SOX6: variants seen among roughly 807,000 people sequenced by gnomAD.
The protein encoded by SOX6 is transcription factor SOX-6.
Under a neutral mutation model 97.8 loss-of-function variants are expected in SOX6, and 11 were observed. That is an observed-to-expected ratio of 0.11 (90% confidence interval 0.07 to 0.19). SOX6 has a LOEUF of 0.19. Among genes scored for constraint, SOX6 ranks in the 10% least tolerant of loss-of-function variants. The probability of loss-of-function intolerance (pLI) is 1.00; values close to 1 mark genes in which losing one functional copy is unlikely to be tolerated. For missense variants in SOX6, 810 were observed against 1,039.5 expected (o/e 0.78, Z 3.04); for synonymous variants, 360 against 371.4 (o/e 0.97, Z 0.35).
rs768901099 is a variant in SOX6, at chr11:16,589,364, T to C, written n.609+22717A>G. Among the ~76,000 whole-genome samples the C allele has an allele frequency of 2.6e-5, 4 of 152,344 alleles. No individual in the cohort carries two copies. In the South Asian group the frequency reaches 6.2e-4, roughly 24 times the overall value. ...AATACAGATTGACAGATTGAGTCTA[T>C]ATGTCTTAATGTGCAACATCCAATA... On this transcript the variant is annotated intron_variant and non_coding_transcript_variant, in intron 4 of 5. Transcript: ENST00000524520.
At chr11:16,489,029 G>C (rs1291810865) in intron 4 of SOX6, among the ~76,000 whole-genome samples, 1 of 151,980 alleles carries the variant, frequency 6.6e-6, no homozygotes, top group East Asian at 1.9e-4. Context: ...AAAAAGGGGG[G>C]ATAAAAATTA....
intron 4 of SOX6, among the ~76,000 whole-genome samples, chr11:16,500,539 C>G (rs1486250235): frequency 1.3e-5 from 2 of 152,180 alleles, no homozygotes; most frequent in Non-Finnish European, 2.9e-5. Context: ...TTGCAGATGA[C>G]ATGATTGTAT....
intron 9 of SOX6, among the ~76,000 whole-genome samples, chr11:16,095,089 T>A (rs1848765368): frequency 6.6e-6 from 1 of 151,912 alleles, no homozygotes; most frequent in Admixed American, 6.6e-5. Context: ...ATTTTCATTT[T>A]TGGGTTGAGT....
intron 9 of SOX6, among the ~76,000 whole-genome samples, chr11:16,063,096 A>G (rs79986615): frequency 0.024 from 3,648 of 151,740 alleles, 145 homozygotes; most frequent in African/African-American, 0.083. Flanking sequence ...AATTTGACCA[A>G]TCTCTTAAAT....
At chr11:16,211,065 T>C (rs1168411177) in intron 4 of SOX6, among the ~76,000 whole-genome samples, 9 of 152,076 alleles carry the variant, frequency 5.9e-5, no homozygotes, top group Admixed American at 5.9e-4. Flanking sequence ...CCTAATGTGG[T>C]GCCTCTTTGG....
chr11:16,107,367 A>G (rs1849113338), intron 7 of SOX6, among the ~76,000 whole-genome samples: 1 of 148,702 alleles, frequency 6.7e-6, no homozygotes, highest in African/African-American at 2.5e-5. Flanking sequence ...GAACAGATAA[A>G]CAAAATGTGA....
intron 4 of SOX6, among the ~76,000 whole-genome samples, chr11:16,188,243 A>AG (rs1470317043): frequency 1.3e-5 from 2 of 151,026 alleles, no homozygotes; most frequent in African/African-American, 2.5e-5. Flanking sequence ...AAAAAAAAAA[A>AG]AAAGAAAAGC....
chr11:16,491,361 T>C (rs1157214067), intron 4 of SOX6, among the ~76,000 whole-genome samples: 2 of 152,134 alleles, frequency 1.3e-5, no homozygotes, highest in African/African-American at 2.4e-5. Flanking sequence ...CTATGTAACA[T>C]TTTTGAGAAT....
intron 1 of SOX6, among the ~76,000 whole-genome samples, chr11:16,374,421 T>C (rs1384274760): frequency 1.3e-5 from 2 of 152,026 alleles, no homozygotes; most frequent in African/African-American, 2.4e-5. Context: ...AGATTCAGAG[T>C]TATTCAGATA....
chr11:16,095,363 C>G (rs1278176966), intron 9 of SOX6, among the ~76,000 whole-genome samples: 1 of 151,254 alleles, frequency 6.6e-6, no homozygotes, highest in East Asian at 1.9e-4. Context: ...TAAGAATATC[C>G]CAACAAAACA....
chr11:16,361,591 GA>G (rs1857212736), intron 1 of SOX6, among the ~76,000 whole-genome samples: 1 of 152,126 alleles, frequency 6.6e-6, no homozygotes, highest in Non-Finnish European at 1.5e-5. Flanking sequence ...CACCAAATTA[GA>G]TAGCATACCT....
chr11:16,365,475 C>G (rs2134384009), intron 1 of SOX6, among the ~76,000 whole-genome samples: 1 of 152,030 alleles, frequency 6.6e-6, no homozygotes, highest in African/African-American at 2.4e-5. Context: ...CCCCACCAAC[C>G]ACAAAAACAA....
At chr11:16,371,911 G>A (rs1857502841) in intron 1 of SOX6, among the ~76,000 whole-genome samples, 1 of 152,040 alleles carries the variant, frequency 6.6e-6, no homozygotes, top group Non-Finnish European at 1.5e-5. Flanking sequence ...TGCTCGACCT[G>A]TAATACATTT....
rs1851493917 is a variant in SOX6, at chr11:16,186,882, C to T, written c.609G>A (p.Glu203=). 6.2e-7 allele frequency: 1 copy of T among 1,613,728 alleles called. No homozygotes were observed. Among genetic ancestry groups the T allele is most frequent in the Admixed American group, 1.7e-5 (1 of 59,978 alleles). Residue 203 remains glutamate (E), a synonymous_variant, in exon 5 of 16, where the codon GAG becomes GAA. Coordinates refer to ENST00000683767, the MANE Select transcript of SOX6 (RefSeq NM_001367873.1). The stretch of plus-strand genomic sequence containing the variant: ...GTTCATCATGCGCTGCCAGTAGCTG[C>T]TCCCGTAAACTGATCAGCTGGGTAA... ...TMITQLISLR[E]QLLAAHDEQK...
At chr11:16,425,823 A>G (rs914395231) in intron 1 of SOX6, among the ~76,000 whole-genome samples, 1 of 152,218 alleles carries the variant, frequency 6.6e-6, no homozygotes, top group Admixed American at 6.5e-5. Flanking sequence ...GATGACACAT[A>G]TAAATGGAAA....
intron 3 of SOX6, among the ~76,000 whole-genome samples, chr11:16,259,945 A>ATATGTGTGTGTGTGTGTGTGTG (rs3059123): frequency 3.4e-5 from 5 of 149,146 alleles, no homozygotes; most frequent in Non-Finnish European, 7.4e-5. Flanking sequence ...TGTCCCAAAT[A>ATATGTGTGTGTGTGTGTGTGTG]TGTGTGTGTG....
At chr11:16,215,142 G>A (rs1241232658) in intron 4 of SOX6, among the ~76,000 whole-genome samples, 1 of 152,090 alleles carries the variant, frequency 6.6e-6, no homozygotes, top group Admixed American at 6.6e-5. Context: ...CAAAACACTT[G>A]TCATTTCATG....
At chr11:16,510,005 T>C (rs1282950967) in intron 4 of SOX6, among the ~76,000 whole-genome samples, 2 of 152,116 alleles carry the variant, frequency 1.3e-5, no homozygotes, top group African/African-American at 2.4e-5. Flanking sequence ...CAGTTAATCT[T>C]ATATCTGTCT....
intron 2 of SOX6, among the ~76,000 whole-genome samples, chr11:16,715,704 TAA>T (rs1590062268): frequency 6.6e-6 from 1 of 152,052 alleles, no homozygotes; most frequent in Non-Finnish European, 1.5e-5. Context: ...CTGTAACAGC[TAA>T]AAGTGTTTAT....
Sources: allele counts gnomAD v4.1 joint callset (sites outside exome capture counted in the v4.1 genomes callset), GRCh38; gene constraint gnomAD v4.1.1; transcripts MANE v1.5; gene names NCBI Gene and HGNC (gene_info 2026-07-23, HGNC 2026-07-21).